The following BTBD17 variants were observed in gnomAD, a reference collection of about 807,000 sequenced individuals.
The protein encoded by BTBD17 is BTB/POZ domain-containing protein 17.
A neutral mutation model predicts 36.9 loss-of-function variants in BTBD17; 26 were observed. That is an observed-to-expected ratio of 0.70 (90% CI 0.52 to 0.98). The LOEUF (loss-of-function observed/expected upper bound fraction) is 0.98, where lower values mean the gene tolerates loss of function less well. BTBD17 is among the 50% of genes least tolerant of loss of function. The pLI is 0.00. For missense variants in BTBD17, 630 were observed against 691.3 expected (o/e 0.91, Z 0.99); for synonymous variants, 341 against 338.0 (o/e 1.01, Z -0.10).
rs1280336346 is a variant in BTBD17, at chr17:74,361,739, A to G, written c.81T>C (p.His27=). ...CCTGGCCCACTGCCCGCTCACCTGC[A>G]TGGGTGACCAGGCCCACCAAGGTCA... is the stretch of plus-strand genomic sequence containing the variant. The part of the protein sequence containing the change: ...AMLTLVGLVT[H]AAQRADVGGE... The change falls in exon 1 of 3, where the codon CAT becomes CAC. Residue 27 remains histidine (H), a synonymous_variant. Coordinates refer to ENST00000375366, the MANE Select transcript of BTBD17 (RefSeq NM_001080466.2). 2 of 1,612,930 alleles carry G rather than the reference A, an allele frequency of 1.2e-6. No individual in the cohort carries two copies. Among genetic ancestry groups the G allele is most frequent in the East Asian group, 2.2e-5 (1 of 44,842 alleles).
Position 74,357,089 on chromosome 17 carries a change from G to GC in BTBD17, c.1004dup (p.Ser336GlnfsTer122), listed in dbSNP as rs774916291. On this transcript the variant is annotated frameshift_variant, in exon 3 of 3. Coordinates refer to ENST00000375366, the MANE Select transcript of BTBD17 (RefSeq NM_001080466.2). LOFTEE classifies it high-confidence loss of function. The surrounding 1 kb of genome is among the most constrained non-coding windows in gnomAD (Gnocchi z 8.4). Reference sequence around the variant, plus strand: ...CCAGCTGCGTCTGGAAGCTGGTGCTGCGGTCGTCGCGGGCCGGGTTGTTGA... The same window carrying GC: ...CCAGCTGCGTCTGGAAGCTGGTGCTGCCGGTCGTCGCGGGCCGGGTTGTTGA... 6.6e-7 allele frequency: 1 copy of GC among 1,521,956 alleles called. No homozygotes were observed. Among genetic ancestry groups the GC allele is most frequent in the African/African-American group, 1.4e-5 (1 of 69,128 alleles). The allele number at this position is 1,521,956 out of a possible 1,614,324, so 94.3% of individuals were successfully genotyped here. A position where few individuals can be genotyped will look rare whatever the true frequency, so the allele number is the denominator to read the frequency against.
chr17:74,359,012 GGA>G (rs1171752187), intron 2 of BTBD17, among the ~76,000 whole-genome samples: 4 of 152,164 alleles, frequency 2.6e-5, no homozygotes, highest in Non-Finnish European at 4.4e-5. Context: ...CCTGGAACTT[GGA>G]AGCAATGTAT....
chr17:74,356,627 A>G lies in BTBD17; in HGVS notation c.*30T>C. ...CTTCCCAGACCCACAGGGACCACCT[A>G]GGCCAGGCCTTTATTCCCAGACCCC... On this transcript the variant is annotated 3_prime_UTR_variant, in exon 3 of 3. Transcript: ENST00000375366. This position sits in a 1 kb window ranked among gnomAD's most constrained non-coding sequence, Gnocchi z 4.3. 1 of 1,458,116 alleles carries G rather than the reference A, an allele frequency of 6.9e-7. No individual in the cohort carries two copies. The highest frequency in any genetic ancestry group is 9.1e-7 in the Non-Finnish European group (1 of 1,098,004). 90.3% of individuals were successfully genotyped at this position (1,458,116 alleles called of 1,614,324 possible).
intron 1 of BTBD17, among the ~76,000 whole-genome samples, 200 bp downstream of exon 1, chr17:74,361,532 GGTC>G (rs2054938008): frequency 6.6e-6 from 1 of 152,162 alleles, no homozygotes; most frequent in Non-Finnish European, 1.5e-5. Flanking sequence ...GGCAATGGAG[GGTC>G]CTCTTGTCCT....
Position 74,357,711 on chromosome 17 carries a change from A to G in BTBD17, c.383T>C (p.Leu128Pro). 6.5e-7 allele frequency: 1 copy of G among 1,543,732 alleles called. No individual in the cohort carries two copies. ...KFIRYLYCGELTVLLTQAIPL... is the reference protein window; with the variant it reads ...KFIRYLYCGEPTVLLTQAIPL... Reference sequence around the variant, plus strand: ...GATGGCCTGGGTCAGCAGCACGGTCAGCTCCCCGCAGTACAGGTACCTGCG... The same window carrying G: ...GATGGCCTGGGTCAGCAGCACGGTCGGCTCCCCGCAGTACAGGTACCTGCG... The change falls in exon 3 of 3, where the codon CTG becomes CCG. Residue 128 changes from leucine (L) to proline (P), a missense_variant. By Grantham distance (98) the Leu-to-Pro change is moderately conservative (BLOSUM62 -3). Transcript: ENST00000375366. The surrounding 1 kb of genome is among the most constrained non-coding windows in gnomAD (Gnocchi z 8.4).
In BTBD17 at chr17:74,359,995, G is replaced by A. The variant is rs762571420; in HGVS notation, c.336C>T (p.Cys112=). The A allele has an allele frequency of 2.5e-5, 41 of 1,611,820 alleles. 1 individual carries two copies. The highest frequency in any genetic ancestry group is 3.3e-5 in the South Asian group (3 of 91,068). Residue 112 remains cysteine, a synonymous_variant, in exon 2 of 3, where the codon TGC becomes TGT. Transcript: ENST00000375366. ...SEAVLQEPQD[C]AAVFDKFIRY... ...TGATGAACTTGTCGAAGACAGCGGC[G>A]CAGTCCTGTGGCTCCTGCAGCACCG...
chr17:74,359,535 G>A (rs1169868889), intron 2 of BTBD17, among the ~76,000 whole-genome samples: 1 of 152,088 alleles, frequency 6.6e-6, no homozygotes, highest in Non-Finnish European at 1.5e-5. Context: ...TTACAGTCGT[G>A]TGCCACCACA....
Position 74,357,089 on chromosome 17 carries a change from G to T in BTBD17, c.1005C>A (p.Arg335=). ...WVINNPARDD[R]STSFQTQLGP... The stretch of plus-strand genomic sequence containing the variant: ...CCAGCTGCGTCTGGAAGCTGGTGCT[G>T]CGGTCGTCGCGGGCCGGGTTGTTGA... The change falls in exon 3 of 3, where the codon CGC becomes CGA. Residue 335 remains arginine (R), a synonymous_variant. Transcript: ENST00000375366. This position sits in a 1 kb window ranked among gnomAD's most constrained non-coding sequence, Gnocchi z 8.4. The T allele has an allele frequency of 6.6e-7, 1 of 1,522,064 alleles. No individual in the cohort carries two copies. The allele number at this position is 1,522,064 out of a possible 1,614,324, so 94.3% of individuals were successfully genotyped here. A position where few individuals can be genotyped will look rare whatever the true frequency, so the allele number is the denominator to read the frequency against.
chr17:74,356,898 C>T lies in BTBD17; in HGVS notation c.1196G>A (p.Ser399Asn), dbSNP rs1364162063. ...CACGCCCGCCGCGTCGCCGCCGCTG[C>T]TGGCCGGCGTCACCACCAGCCGCGG... ...GRPRLVVTPA[S>N]SGGDAAGVSF... The change falls in exon 3 of 3, where the codon AGC (serine) becomes AAC (asparagine). Residue 399 changes from serine (S) to asparagine (N), a missense_variant. By Grantham distance (46) the Ser-to-Asn change is conservative. Transcript: ENST00000375366. The surrounding 1 kb of genome is among the most constrained non-coding windows in gnomAD (Gnocchi z 4.3). 5 of 1,467,878 alleles carry T rather than the reference C, an allele frequency of 3.4e-6. No homozygotes were observed. The highest frequency in any genetic ancestry group is 4.5e-6 in the Non-Finnish European group (5 of 1,118,942). The allele number at this position is 1,467,878 out of a possible 1,614,324, so 90.9% of individuals were successfully genotyped here. A position where few individuals can be genotyped will look rare whatever the true frequency, so the allele number is the denominator to read the frequency against.
At position 74,360,218 on chromosome 17, in the gene BTBD17, G is replaced by C. The variant is rs989695099; in HGVS notation, c.113C>G (p.Ala38Gly). 3.7e-6 allele frequency: 6 copies of C among 1,607,092 alleles called. No homozygotes were observed. Among genetic ancestry groups the C allele is most frequent in the Non-Finnish European group, 5.1e-6 (6 of 1,176,158 alleles). ...GGAGTGGTTGATGGAGGTGCCAGCT[G>C]CCTCCCCGCCAACATCGGCTCTCTG... The part of the protein sequence containing the change: ...AAQRADVGGE[A>G]AGTSINHSQA... Residue 38 changes from alanine (A) to glycine (G), a missense_variant, in exon 2 of 3, where the codon GCA becomes GGA. Coordinates refer to ENST00000375366, the MANE Select transcript of BTBD17 (RefSeq NM_001080466.2).
intron 1 of BTBD17, 87 bp from the exon 2 acceptor site, chr17:74,360,332 A>G: frequency 7.1e-7 from 1 of 1,403,490 alleles, no homozygotes; most frequent in Non-Finnish European, 9.7e-7. Flanking sequence ...AGCTGGAGAC[A>G]TATGCATGGG....
Position 74,359,963 on chromosome 17 carries a change from C to T in BTBD17, c.362+6G>A. The T allele has an allele frequency of 6.2e-7, 1 of 1,603,532 alleles. No individual in the cohort carries two copies. Among genetic ancestry groups the T allele is most frequent in the South Asian group, 1.1e-5 (1 of 90,830 alleles). ...GAAGCCATCCCCTAGTCTTCCGCGT[C>T]CCCACCTGATGAACTTGTCGAAGAC... On this transcript the variant is annotated splice_donor_region_variant and intron_variant, in intron 2 of 2. Transcript: ENST00000375366.
At chr17:74,358,474 GCTT>G (rs2054913397) in intron 2 of BTBD17, among the ~76,000 whole-genome samples, 2 of 117,592 alleles carry the variant, frequency 1.7e-5, no homozygotes, top group Admixed American at 1.0e-4. Flanking sequence ...CGACACTCCA[GCTT>G]TTTTTTTTTT....
At position 74,357,640 on chromosome 17, in the gene BTBD17, G is replaced by A; in HGVS notation, c.454C>T (p.Arg152Cys). The change falls in exon 3 of 3, where the codon CGC becomes TGC. Residue 152 changes from arginine (R) to cysteine (C), a missense_variant. Coordinates refer to ENST00000375366, the MANE Select transcript of BTBD17 (RefSeq NM_001080466.2). This position sits in a 1 kb window ranked among gnomAD's most constrained non-coding sequence, Gnocchi z 8.4. Reference sequence around the variant, plus strand: ...GCGCGCATGTAGTCGGCCACGCCGCGCTGCAGGGAGGACACGCCGTACTTG... The same window carrying A: ...GCGCGCATGTAGTCGGCCACGCCGCACTGCAGGGAGGACACGCCGTACTTG... Reference protein sequence around the residue: ...ATKYGVSSLQRGVADYMRAHL... With the variant: ...ATKYGVSSLQCGVADYMRAHL... The A allele has an allele frequency of 1.3e-6, 2 of 1,549,536 alleles. No homozygotes were observed. Among genetic ancestry groups the A allele is most frequent in the South Asian group, 2.4e-5 (2 of 84,306 alleles).
At chr17:74,361,408 G>C (rs1324415238) in intron 1 of BTBD17, among the ~76,000 whole-genome samples, 1 of 152,252 alleles carries the variant, frequency 6.6e-6, no homozygotes, top group Non-Finnish European at 1.5e-5. Flanking sequence ...GAGGGACAAA[G>C]GGAGGGTGAA....
chr17:74,356,772 A>G lies in BTBD17; in HGVS notation c.1322T>C (p.Phe441Ser), dbSNP rs1268622143. 6.2e-7 allele frequency: 1 copy of G among 1,602,820 alleles called. No homozygotes were observed. Among genetic ancestry groups the G allele is most frequent in the Non-Finnish European group, 8.5e-7 (1 of 1,175,644 alleles). ...FHQSSEEAGD[F>S]LAHADLQRRN... The stretch of plus-strand genomic sequence containing the variant: ...CCGCTGCAGGTCGGCGTGCGCCAGG[A>G]AGTCGCCGGCCTCCTCGCTGCTCTG... Residue 441 changes from phenylalanine (F) to serine (S), a missense_variant, in exon 3 of 3, where the codon TTC becomes TCC. By Grantham distance (155) the Phe-to-Ser change is radical. Transcript: ENST00000375366. The surrounding 1 kb of genome is among the most constrained non-coding windows in gnomAD (Gnocchi z 4.3).
At chr17:74,358,475 C>CTTT (rs1204577844) in intron 2 of BTBD17, among the ~76,000 whole-genome samples, 71 of 60,112 alleles carry the variant, frequency 1.2e-3, no homozygotes, top group African/African-American at 3.7e-3. Flanking sequence ...GACACTCCAG[C>CTTT]TTTTTTTTTT....
Position 74,357,359 on chromosome 17 carries a change from AG to A in BTBD17, c.734del (p.Pro245LeufsTer15). 6.4e-7 allele frequency: 1 copy of A among 1,551,292 alleles called. No individual in the cohort carries two copies. Among genetic ancestry groups the A allele is most frequent in the Non-Finnish European group, 8.6e-7 (1 of 1,157,178 alleles). Reference sequence around the variant, plus strand: ...CGCGCAGCGCCCGCTCGGCCACGGCAGGGGGCGGCCGCGCGCGACCCAGCCA... The same window carrying A: ...CGCGCAGCGCCCGCTCGGCCACGGCAGGGGCGGCCGCGCGCGACCCAGCCA... The part of the protein sequence containing the change: ...EAWLGRARPP[P>X]AVAERALRAI... On this transcript the variant is annotated frameshift_variant, in exon 3 of 3. Transcript: ENST00000375366. LOFTEE classifies it high-confidence loss of function. The surrounding 1 kb of genome is among the most constrained non-coding windows in gnomAD (Gnocchi z 8.4).
In BTBD17 at chr17:74,356,698, C is replaced by T; in HGVS notation, c.1396G>A (p.Val466Ile). Residue 466 changes from valine (V) to isoleucine (I), a missense_variant, in exon 3 of 3, where the codon GTC becomes ATC. Transcript: ENST00000375366. This position sits in a 1 kb window ranked among gnomAD's most constrained non-coding sequence, Gnocchi z 4.3. Reference sequence around the variant, plus strand: ...ATAAGGGTGTGGTATACGGGCTTGACGATGAGGTGCAGGTGCAGGGCGTTC... The same window carrying T: ...ATAAGGGTGTGGTATACGGGCTTGATGATGAGGTGCAGGTGCAGGGCGTTC... Reference protein sequence around the residue: ...VENALHLHLIVKPVYHTLIRT... With the variant: ...VENALHLHLIIKPVYHTLIRT... 6.3e-7 allele frequency: 1 copy of T among 1,579,372 alleles called. No individual in the cohort carries two copies.
Sources: allele counts gnomAD v4.1 joint callset (sites outside exome capture counted in the v4.1 genomes callset), GRCh38; gene constraint gnomAD v4.1.1; non-coding constraint Gnocchi (gnomAD v3.1); transcripts MANE v1.5; gene names NCBI Gene and HGNC (gene_info 2026-07-23, HGNC 2026-07-21).